The following NEGR1 variants were observed in gnomAD, a reference collection of about 807,000 sequenced individuals.
The protein encoded by NEGR1 is neuronal growth regulator 1, also known as IgLON family member 4.
Under a neutral mutation model 40.9 loss-of-function variants are expected in NEGR1, and 10 were observed. The observed-to-expected ratio is 0.24, with a 90% CI of 0.15 to 0.42. The LOEUF is 0.42. Among genes scored for constraint, NEGR1 ranks in the 10% least tolerant of loss-of-function variants. The pLI, the probability that NEGR1 is intolerant of heterozygous loss-of-function variation, is 1.00. For missense variants in NEGR1, 352 were observed against 438.9 expected (o/e 0.80, Z 1.77); for synonymous variants, 185 against 166.8 (o/e 1.11, Z -0.84).
At chr1:72,201,628 C>T (rs1031932143) in intron 1 of NEGR1, among the ~76,000 whole-genome samples, 1 of 151,526 alleles carries the variant, frequency 6.6e-6, no homozygotes, top group Non-Finnish European at 1.5e-5. Flanking sequence ...TAAAATCACA[C>T]GAATTTTAGG....
At chr1:71,916,022 T>G (rs113661674) in intron 2 of NEGR1, among the ~76,000 whole-genome samples, 1 of 152,100 alleles carries the variant, frequency 6.6e-6, no homozygotes, top group African/African-American at 2.4e-5. Flanking sequence ...CACATCAGGT[T>G]CTTTAAGGGA....
chr1:72,007,694 G>C (rs977595981), intron 1 of NEGR1, among the ~76,000 whole-genome samples: 2 of 152,234 alleles, frequency 1.3e-5, no homozygotes, highest in Middle Eastern at 6.8e-3. Flanking sequence ...AATTTCTTCT[G>C]CTCAAATACT....
chr1:72,139,830 T>C (rs2100332573), intron 1 of NEGR1, among the ~76,000 whole-genome samples: 1 of 152,214 alleles, frequency 6.6e-6, no homozygotes, highest in Middle Eastern at 3.4e-3. Context: ...ATGGTTGTAT[T>C]ATATGTAATA....
chr1:71,597,324 C>A (rs894373192), intron 5 of NEGR1, among the ~76,000 whole-genome samples: 13 of 151,412 alleles, frequency 8.6e-5, no homozygotes, highest in African/African-American at 3.2e-4. Flanking sequence ...CATAGTTCTA[C>A]CTGAAACTCT....
At chr1:71,584,879 C>T (rs1368210972) in intron 6 of NEGR1, among the ~76,000 whole-genome samples, 1 of 152,118 alleles carries the variant, frequency 6.6e-6, no homozygotes, top group Non-Finnish European at 1.5e-5. Flanking sequence ...ACTCAAGTCA[C>T]ATTTTGGCCT....
chr1:71,745,855 A>T (rs1655364339), intron 3 of NEGR1, among the ~76,000 whole-genome samples: 2 of 152,072 alleles, frequency 1.3e-5, no homozygotes, highest in African/African-American at 4.8e-5. Context: ...TAAAAATATT[A>T]CTCTAATCTT....
intron 2 of NEGR1, among the ~76,000 whole-genome samples, chr1:71,848,824 A>G (rs1659504638): frequency 2.6e-5 from 4 of 152,144 alleles, no homozygotes; most frequent in Admixed American, 6.5e-5. Context: ...GCAGTGGCTC[A>G]CGCCTGTAAT....
intron 5 of NEGR1, among the ~76,000 whole-genome samples, chr1:71,598,375 G>A (rs1228120602): frequency 6.6e-6 from 1 of 152,118 alleles, no homozygotes; most frequent in African/African-American, 2.4e-5. Context: ...AGTCTAATGG[G>A]TAAAAAATTA....
At chr1:71,942,887 G>A (rs1433195678) in intron 1 of NEGR1, among the ~76,000 whole-genome samples, 1 of 148,210 alleles carries the variant, frequency 6.7e-6, no homozygotes, top group Non-Finnish European at 1.5e-5. Context: ...CTGCAGCCTC[G>A]AACTCCTGGA....
intron 1 of NEGR1, among the ~76,000 whole-genome samples, chr1:72,133,458 A>G (rs1570017092): frequency 6.6e-6 from 1 of 152,062 alleles, no homozygotes; most frequent in East Asian, 1.9e-4. Context: ...TCTATGTAGT[A>G]AAATATAATT....
At chr1:71,796,013 C>T (rs1657312493) in intron 2 of NEGR1, among the ~76,000 whole-genome samples, 1 of 152,132 alleles carries the variant, frequency 6.6e-6, no homozygotes, top group South Asian at 2.1e-4. Context: ...ACAGATTAGT[C>T]AACCTTATGG....
intron 6 of NEGR1, among the ~76,000 whole-genome samples, chr1:71,453,294 A>G (rs377745159): frequency 6.6e-6 from 1 of 152,122 alleles, no homozygotes; most frequent in African/African-American, 2.4e-5. Flanking sequence ...AACCAAGGGC[A>G]TGCAGTGGGG....
At chr1:71,999,825 G>A (rs1189146307) in intron 1 of NEGR1, among the ~76,000 whole-genome samples, 1 of 150,214 alleles carries the variant, frequency 6.7e-6, no homozygotes, top group African/African-American at 2.4e-5. Context: ...CCAGCCTTAG[G>A]TTTAGTACTT....
At chr1:71,545,428 A>C (rs1647861159) in intron 6 of NEGR1, among the ~76,000 whole-genome samples, 1 of 151,664 alleles carries the variant, frequency 6.6e-6, no homozygotes. Flanking sequence ...CTCCTTTGGA[A>C]GCCAATGCCC....
At chr1:71,640,628 G>C (rs1266082946) in intron 4 of NEGR1, among the ~76,000 whole-genome samples, 1 of 151,962 alleles carries the variant, frequency 6.6e-6, no homozygotes. Flanking sequence ...TAATAACTCA[G>C]TATCAGACTA....
At chr1:71,575,607 C>A (rs1335695562) in intron 6 of NEGR1, among the ~76,000 whole-genome samples, 1 of 152,092 alleles carries the variant, frequency 6.6e-6, no homozygotes, top group Non-Finnish European at 1.5e-5. Flanking sequence ...CATGGTGAAA[C>A]CCCGTCTCTA....
intron 6 of NEGR1, among the ~76,000 whole-genome samples, chr1:71,559,320 C>A (rs1157876128): frequency 6.6e-6 from 1 of 151,290 alleles, no homozygotes; most frequent in Non-Finnish European, 1.5e-5. Flanking sequence ...TATTTTTAAT[C>A]TTTAGTCTTA....
At chr1:72,201,673 G>T (rs1179562517) in intron 1 of NEGR1, among the ~76,000 whole-genome samples, 1 of 145,406 alleles carries the variant, frequency 6.9e-6, no homozygotes, top group Non-Finnish European at 1.5e-5. Context: ...AAAATGTGGT[G>T]GGGGGGGTGG....
At chr1:71,917,682 A>C (rs1490386688) in intron 2 of NEGR1, among the ~76,000 whole-genome samples, 1 of 150,510 alleles carries the variant, frequency 6.6e-6, no homozygotes, top group Non-Finnish European at 1.5e-5. Flanking sequence ...GGAGAGGCTG[A>C]GGCAGGAGAA....
Sources: gnomAD v4.1 joint callset for allele counts (sites outside exome capture counted in the v4.1 genomes callset) on GRCh38, gnomAD v4.1.1 for gene constraint, MANE v1.5 for transcripts, NCBI Gene and HGNC (gene_info 2026-07-23, HGNC 2026-07-21) for gene names.